TINAG: variants seen among roughly 807,000 people sequenced by gnomAD.
TINAG encodes tubulointerstitial nephritis antigen.
TINAG carries 83 observed loss-of-function variants against 72.7 expected under a neutral mutation model. The ratio of observed to expected loss-of-function variants is 1.14; its 90% confidence interval spans 0.96 to 1.37. The LOEUF is 1.37. TINAG is among the 40% of genes most tolerant of loss of function. TINAG has a pLI of 0.00. For missense variants in TINAG, 685 were observed against 576.6 expected, an observed-to-expected ratio of 1.19 and a Z score of -1.93; for synonymous variants, 234 against 189.9, an observed-to-expected ratio of 1.23 and a Z score of -1.91.
chr6:54,360,917 G>T (rs895814961), intron 9 of TINAG, among the ~76,000 whole-genome samples: 12 of 125,272 alleles, frequency 9.6e-5, no homozygotes, highest in African/African-American at 3.6e-4. Context: ...AAGTCTGAAG[G>T]TATCATCTTT....
At chr6:54,334,978 G>A (rs1455433657) in intron 4 of TINAG, among the ~76,000 whole-genome samples, 1 of 150,486 alleles carries the variant, frequency 6.6e-6, no homozygotes, top group Non-Finnish European at 1.5e-5. Context: ...TCTCATTTTT[G>A]TTCTTACCCA....
chr6:54,389,944 T>C lies in TINAG; in HGVS notation c.*19T>C, dbSNP rs150705342. On this transcript the variant is annotated 3_prime_UTR_variant, in exon 11 of 11. Coordinates refer to ENST00000259782, the MANE Select transcript of TINAG (RefSeq NM_014464.4). ...ACCATAACATATCATTAAATTTCCA[T>C]AAGGTCATGCCTTTAAGTAACCCCC... The C allele has an allele frequency of 2.4e-5, 38 of 1,605,792 alleles. No individual in the cohort carries two copies. In the African/African-American group the frequency reaches 4.6e-4, roughly 19 times the overall value.
At position 54,389,980 on chromosome 6, in the gene TINAG, T is replaced by TCA; in HGVS notation, c.*55_*56insCA. The TCA allele has an allele frequency of 6.3e-7, 1 of 1,581,564 alleles. No individual in the cohort carries two copies. Among genetic ancestry groups the TCA allele is most frequent in the East Asian group, 2.3e-5 (1 of 44,280 alleles). ...CTTTAAGTAACCCCCTAAATTGAAG[T>TCA]TTAGCAATATGACATTCTTGGTGAC... On this transcript the variant is annotated 3_prime_UTR_variant, in exon 11 of 11. Transcript: ENST00000259782.
intron 1 of TINAG, among the ~76,000 whole-genome samples, chr6:54,311,666 T>C (rs1469719227): frequency 6.6e-6 from 1 of 152,212 alleles, no homozygotes; most frequent in African/African-American, 2.4e-5. Flanking sequence ...TTGGCTTTCT[T>C]CTTCCTGTGA....
At chr6:54,378,169 AT>A (rs1319321116) in intron 9 of TINAG, among the ~76,000 whole-genome samples, 2 of 152,062 alleles carry the variant, frequency 1.3e-5, no homozygotes, top group African/African-American at 4.8e-5. Flanking sequence ...CTGTGGTGTT[AT>A]TTTTCCATGT....
At chr6:54,337,646 GA>G (rs1280559972) in intron 4 of TINAG, among the ~76,000 whole-genome samples, 1 of 152,142 alleles carries the variant, frequency 6.6e-6, no homozygotes, top group Non-Finnish European at 1.5e-5. Context: ...CTTATAAACA[GA>G]AGCCTCTGTG....
In TINAG at chr6:54,309,775, T is replaced by C. The variant is rs1009946431; in HGVS notation, c.355+870T>C. On this transcript the variant is annotated intron_variant, in intron 1 of 10. Transcript: ENST00000259782. ...ATCCCAGTTAGAAGACATTTTAGGG[T>C]AAACTAGGGGCTTGGAATCCTTATT... 3.3e-5 allele frequency among the ~76,000 whole-genome samples: 5 copies of C among 149,540 alleles called. No homozygotes were observed. In the Admixed American group the frequency reaches 3.4e-4, roughly 10 times the overall value.
Sources: gnomAD v4.1 joint callset for allele counts (sites outside exome capture counted in the v4.1 genomes callset) on GRCh38, gnomAD v4.1.1 for gene constraint, MANE v1.5 for transcripts, NCBI Gene and HGNC (gene_info 2026-07-23, HGNC 2026-07-21) for gene names.